The following CHMP6 variants were observed in gnomAD, a reference collection of about 807,000 sequenced individuals.
CHMP6 encodes charged multivesicular body protein 6.
A neutral mutation model predicts 32.8 loss-of-function variants in CHMP6; 10 were observed. The observed-to-expected ratio is 0.30, with a 90% CI of 0.19 to 0.52. CHMP6 has a LOEUF of 0.52. Ranked by LOEUF, CHMP6 falls within the 20% of genes least tolerant of loss-of-function variation. CHMP6 has a pLI of 0.97. For synonymous variants in CHMP6, 123 were observed against 105.8 expected (o/e 1.16, Z -1.00); for missense variants, 269 against 263.8 (o/e 1.02, Z -0.14).
chr17:80,996,881 G>C (rs1364340188), intron 4 of CHMP6, 126 bp from the exon 5 acceptor site: 3 of 999,498 alleles, frequency 3.0e-6, no homozygotes, highest in African/African-American at 1.7e-5. Context: ...GCCAGACCTT[G>C]TCTTTAAAAA....
chr17:80,996,880 TG>T, intron 4 of CHMP6, 126 bp from the exon 5 acceptor site: 1 of 991,106 alleles, frequency 1.0e-6, no homozygotes, highest in Non-Finnish European at 1.5e-6. Context: ...AGCCAGACCT[TG>T]TCTTTAAAAA....
chr17:80,992,801 C>G (rs1225156065), intron 1 of CHMP6, among the ~76,000 whole-genome samples: 1 of 152,220 alleles, frequency 6.6e-6, no homozygotes. Context: ...AAACGTGTCA[C>G]GAAAGAGACC....
At chr17:80,997,210 C>T (rs2069645174) in intron 5 of CHMP6, 51 bp from the exon 6 acceptor site, 1 of 1,609,786 alleles carries the variant, frequency 6.2e-7, no homozygotes, top group African/African-American at 1.3e-5. Context: ...TCTCCTTCCT[C>T]CCTGAGGGGC....
At position 80,991,909 on chromosome 17, in the gene CHMP6, G is replaced by C; in HGVS notation, c.-10G>C. On this transcript the variant is annotated 5_prime_UTR_variant, in exon 1 of 8. Coordinates refer to ENST00000325167, the MANE Select transcript of CHMP6 (RefSeq NM_024591.5). The stretch of plus-strand genomic sequence containing the variant: ...ACTTGGTGGGTCCCGGGCCAGGGGC[G>C]GGCGCCGCCATGGGTAACCTGTTCG... 6.9e-7 allele frequency: 1 copy of C among 1,453,600 alleles called. No homozygotes were observed. The allele number at this position is 1,453,600 out of a possible 1,614,324, so 90.0% of individuals were successfully genotyped here.
Position 80,995,317 on chromosome 17 carries a change from G to A in CHMP6, c.261+211G>A, listed in dbSNP as rs375925648. Among the ~76,000 whole-genome samples, 51 of 152,306 alleles carry A rather than the reference G, an allele frequency of 3.3e-4. No homozygotes were observed. The East Asian group carries it at 3.5e-3, about 10-fold the overall frequency. On this transcript the variant is annotated intron_variant, in intron 3 of 7. Transcript: ENST00000325167. ...GAGGCTGGGGGGCAGGTTGGCTCTC[G>A]CAGGACTGAGGTGGGGAAGGTTGGG...
chr17:80,995,652 T>C lies in CHMP6; in HGVS notation c.262-20T>C. ...ACCCCGGATCCTCAGCACCTGCGTC[T>C]GCTCTGGTTTCCTTTTCAGGTTCAG... On this transcript the variant is annotated intron_variant, in intron 3 of 7. Coordinates refer to ENST00000325167, the MANE Select transcript of CHMP6 (RefSeq NM_024591.5). 6.2e-7 allele frequency: 1 copy of C among 1,612,076 alleles called. No individual in the cohort carries two copies. Among genetic ancestry groups the C allele is most frequent in the Middle Eastern group, 1.7e-4 (1 of 6,044 alleles).
rs758902078 is a variant in CHMP6 at position 80,998,439 on chromosome 17, C to A, written c.550+19C>A. The stretch of plus-strand genomic sequence containing the variant: ...ATCCCAGGTATTTCCATGTTTGATT[C>A]TTTTGAATGGTTGGAATTCGCAGGA... On this transcript the variant is annotated intron_variant, in intron 7 of 7. Coordinates refer to ENST00000325167, the MANE Select transcript of CHMP6 (RefSeq NM_024591.5). The A allele has an allele frequency of 4.3e-6, 7 of 1,613,994 alleles. No homozygotes were observed. In the African/African-American group the frequency reaches 5.3e-5, roughly 12 times the overall value.
chr17:80,994,590 C>A lies in CHMP6; in HGVS notation c.73C>A (p.Gln25Lys). The A allele has an allele frequency of 1.3e-6, 2 of 1,575,914 alleles. No individual in the cohort carries two copies. Among genetic ancestry groups the A allele is most frequent in the Non-Finnish European group, 1.7e-6 (2 of 1,162,724 alleles). ...CTCTCTCTCTTGGCAGCAACTGAAG[C>A]AGCAGCGGGACAAGCTGAGGCAGTA... ...EQDKAILQLK[Q>K]QRDKLRQYQK... Residue 25 changes from glutamine to lysine, a missense_variant, in exon 2 of 8, where the codon CAG becomes AAG. Coordinates refer to ENST00000325167, the MANE Select transcript of CHMP6 (RefSeq NM_024591.5).
At position 80,991,960 on chromosome 17, in the gene CHMP6, G is replaced by A. The variant is rs1386160354; in HGVS notation, c.42G>A (p.Thr14=). 2 of 1,462,056 alleles carry A rather than the reference G, an allele frequency of 1.4e-6. No homozygotes were observed. Among genetic ancestry groups the A allele is most frequent in the Admixed American group, 2.3e-5 (1 of 43,672 alleles). The allele number at this position is 1,462,056 out of a possible 1,614,324, so 90.6% of individuals were successfully genotyped here. ...LFGRKKQSRV[T]EQDKAILQLK... is the part of the protein sequence containing the mutation. The stretch of plus-strand genomic sequence containing the variant: ...GCCGCAAGAAGCAGAGCCGCGTCAC[G>A]GAGCAGGACAAGGCCATCCTGGTGA... Residue 14 remains threonine (T), a synonymous_variant, in exon 1 of 8, where the codon ACG becomes ACA. Coordinates refer to ENST00000325167, the MANE Select transcript of CHMP6 (RefSeq NM_024591.5).
At chr17:80,993,254 G>C (rs1401645460) in intron 1 of CHMP6, among the ~76,000 whole-genome samples, 6 of 147,568 alleles carry the variant, frequency 4.1e-5, no homozygotes, top group African/African-American at 1.5e-4. Context: ...GCACACACTA[G>C]CACAAATGAT....
chr17:80,995,172 G>A (rs1408789701), intron 3 of CHMP6, 66 bp downstream of exon 3: 3 of 1,458,344 alleles, frequency 2.1e-6, no homozygotes, highest in Admixed American at 2.1e-5. Context: ...CCGGCTGCGT[G>A]GACATCAGAA....
In CHMP6 at chr17:80,991,878, G is replaced by C. The variant is rs1462791762; in HGVS notation, c.-41G>C. On this transcript the variant is annotated 5_prime_UTR_variant, in exon 1 of 8. Transcript: ENST00000325167. ...ACGGTGGCCGCGGGGCGGCGGTGGC[G>C]ATTGGACTTGGTGGGTCCCGGGCCA... is the stretch of plus-strand genomic sequence containing the variant. 7.3e-7 allele frequency: 1 copy of C among 1,369,746 alleles called. No homozygotes were observed. The highest frequency in any genetic ancestry group is 9.5e-7 in the Non-Finnish European group (1 of 1,048,280). The allele number at this position is 1,369,746 out of a possible 1,614,324, so 84.8% of individuals were successfully genotyped here.
chr17:80,997,275 C>A lies in CHMP6; in HGVS notation c.429C>A (p.Leu143=). Reference sequence around the variant, plus strand: ...TCCTTTTGCAGCAAATAGACGAGCTCCTGGCAGGAAGCTTCACTCAGGAGG... The same window carrying A: ...TCCTTTTGCAGCAAATAGACGAGCTACTGGCAGGAAGCTTCACTCAGGAGG... ...AVEYQRQIDE[L]LAGSFTQEDE... Residue 143 remains leucine (L), a synonymous_variant, in exon 6 of 8, where the codon CTC becomes CTA. Coordinates refer to ENST00000325167, the MANE Select transcript of CHMP6 (RefSeq NM_024591.5). 1.2e-6 allele frequency: 2 copies of A among 1,613,716 alleles called. No individual in the cohort carries two copies. Among genetic ancestry groups the A allele is most frequent in the South Asian group, 2.2e-5 (2 of 91,064 alleles).
At chr17:80,996,748 G>T (rs2069640631) in intron 4 of CHMP6, among the ~76,000 whole-genome samples, 1 of 152,200 alleles carries the variant, frequency 6.6e-6, no homozygotes, top group African/African-American at 2.4e-5. Flanking sequence ...CTCAGGACAG[G>T]CCCATGCCTG....
rs1195537320 is a variant in CHMP6 at position 80,999,785 on chromosome 17, C to T, written c.*632C>T. On this transcript the variant is annotated 3_prime_UTR_variant, in exon 8 of 8. Coordinates refer to ENST00000325167, the MANE Select transcript of CHMP6 (RefSeq NM_024591.5). Reference sequence around the variant, plus strand: ...GAGCCCTGACTCCCGCCTTGCCACTCACGGCTCTGTCCACTAGGGCTCAGC... The same window carrying T: ...GAGCCCTGACTCCCGCCTTGCCACTTACGGCTCTGTCCACTAGGGCTCAGC... 2 of 152,550 alleles carry T rather than the reference C, an allele frequency of 1.3e-5. No individual in the cohort carries two copies. The highest frequency in any genetic ancestry group is 4.8e-5 in the African/African-American group (2 of 41,444). 9.4% of individuals were successfully genotyped at this position (152,550 alleles called of 1,614,324 possible).
intron 1 of CHMP6, among the ~76,000 whole-genome samples, chr17:80,992,504 A>G (rs952978718): frequency 1.3e-5 from 2 of 152,134 alleles, no homozygotes; most frequent in Non-Finnish European, 2.9e-5. Flanking sequence ...CACCCCATCC[A>G]GGCCAGGACT....
chr17:80,996,362 G>A (rs916253101), intron 4 of CHMP6, among the ~76,000 whole-genome samples: 1 of 151,218 alleles, frequency 6.6e-6, no homozygotes, highest in African/African-American at 2.4e-5. Context: ...GGTGAATACC[G>A]GCCTCATCTC....
chr17:80,995,537 G>A, intron 3 of CHMP6, 135 bp from the exon 4 acceptor site: 1 of 691,874 alleles, frequency 1.4e-6, no homozygotes, highest in South Asian at 1.7e-5. Flanking sequence ...GGACAGGGAG[G>A]AGCAGGTGTC....
At position 80,995,539 on chromosome 17, in the gene CHMP6, G is replaced by A. The variant is rs2069629835; in HGVS notation, c.262-133G>A. 8 of 697,714 alleles carry A rather than the reference G, an allele frequency of 1.1e-5. No homozygotes were observed. The South Asian group carries it at 1.3e-4, about 12-fold the overall frequency. 43.2% of individuals were successfully genotyped at this position (697,714 alleles called of 1,614,324 possible). A position where few individuals can be genotyped will look rare whatever the true frequency, so the allele number is the denominator to read the frequency against. ...TGGCAGTGGGAGAGGACAGGGAGGAGCAGGTGTCAGGAGTCACCCTCACGC... is the reference window on the plus strand; with the variant it reads ...TGGCAGTGGGAGAGGACAGGGAGGAACAGGTGTCAGGAGTCACCCTCACGC... On this transcript the variant is annotated intron_variant, in intron 3 of 7. Transcript: ENST00000325167.
Sources: gnomAD v4.1 joint callset for allele counts (sites outside exome capture counted in the v4.1 genomes callset) on GRCh38, gnomAD v4.1.1 for gene constraint, MANE v1.5 for transcripts, NCBI Gene and HGNC (gene_info 2026-07-23, HGNC 2026-07-21) for gene names.